The following WWOX variants were observed in gnomAD, a reference collection of about 807,000 sequenced individuals.
WWOX encodes the protein WW domain containing oxidoreductase.
Under a neutral mutation model 46.2 loss-of-function variants are expected in WWOX, and 69 were observed. The ratio of observed to expected loss-of-function variants is 1.49; its 90% CI spans 1.23 to 1.82. WWOX has a LOEUF of 1.82. Among genes scored for constraint, WWOX ranks in the 40% most tolerant of loss-of-function variants. WWOX has a pLI of 0.00. For missense variants in WWOX, 919 were observed against 542.6 expected (o/e 1.69, Z -6.89); for synonymous variants, 359 against 202.6 (o/e 1.77, Z -6.56).
chr16:78,244,838 GTTTC>G (rs1300116740), intron 5 of WWOX, among the ~76,000 whole-genome samples: 2 of 151,888 alleles, frequency 1.3e-5, no homozygotes, highest in Admixed American at 1.3e-4. Context: ...TTGGAGTTCT[GTTTC>G]TTCTTAAAAT....
intron 8 of WWOX, among the ~76,000 whole-genome samples, chr16:78,894,720 C>A (rs949948296): frequency 6.6e-6 from 1 of 152,060 alleles, no homozygotes; most frequent in Admixed American, 6.5e-5. Context: ...TGGAAGGCCA[C>A]GTTGCAATTA....
intron 5 of WWOX, among the ~76,000 whole-genome samples, chr16:78,313,487 C>T (rs369483206): frequency 2.2e-3 from 337 of 152,148 alleles, no homozygotes; most frequent in African/African-American, 7.9e-3. Context: ...TGCCTTGGCC[C>T]CTGGAGTAGC....
At chr16:78,626,042 G>A (rs568876798) in intron 8 of WWOX, among the ~76,000 whole-genome samples, 5 of 151,562 alleles carry the variant, frequency 3.3e-5, no homozygotes, top group South Asian at 2.1e-4. Context: ...AAAGTCCATC[G>A]TTTATCATAT....
At chr16:78,931,238 G>C (rs2045617493) in intron 8 of WWOX, among the ~76,000 whole-genome samples, 1 of 152,182 alleles carries the variant, frequency 6.6e-6, no homozygotes, top group South Asian at 2.1e-4. Flanking sequence ...GAGATGCTGT[G>C]TGGGGAGGGA....
intron 5 of WWOX, among the ~76,000 whole-genome samples, chr16:78,180,975 C>T (rs1881861804): frequency 6.6e-6 from 1 of 152,096 alleles, no homozygotes; most frequent in Admixed American, 6.6e-5. Context: ...GTATAAAAAC[C>T]TTCTTGTTTT....
intron 8 of WWOX, among the ~76,000 whole-genome samples, chr16:79,078,559 A>C (rs924882889): frequency 6.6e-6 from 1 of 152,222 alleles, no homozygotes; most frequent in Non-Finnish European, 1.5e-5. Context: ...TACCGTGTAC[A>C]TTCATTAAGC....
At position 78,423,061 on chromosome 16, in the gene WWOX, T is replaced by G. The variant is rs551104788; in HGVS notation, c.606-1809T>G. ...CCACCACGCTGGGCTAACTTTTGTA[T>G]TTTTAGTAGAGATGGGGGTTTCACC... On this transcript the variant is annotated intron_variant, in intron 6 of 8. Transcript: ENST00000566780. 2.8e-4 allele frequency among the ~76,000 whole-genome samples: 42 copies of G among 151,814 alleles called. 1 individual carries two copies. In the South Asian group the frequency reaches 7.9e-3, roughly 29 times the overall value.
At chr16:78,179,008 C>T (rs994716328) in intron 5 of WWOX, among the ~76,000 whole-genome samples, 2 of 152,066 alleles carry the variant, frequency 1.3e-5, no homozygotes, top group East Asian at 1.9e-4. Flanking sequence ...GGAGGAGAAG[C>T]CAGGGCACTT....
At chr16:79,034,101 T>A (rs2047819760) in intron 8 of WWOX, among the ~76,000 whole-genome samples, 1 of 152,212 alleles carries the variant, frequency 6.6e-6, no homozygotes, top group South Asian at 2.1e-4. Flanking sequence ...GCCAGGGAAC[T>A]GAATGGGATG....
chr16:78,976,866 C>T (rs907438751), intron 8 of WWOX, among the ~76,000 whole-genome samples: 1 of 152,188 alleles, frequency 6.6e-6, no homozygotes, highest in Non-Finnish European at 1.5e-5. Flanking sequence ...GGTTTGATAG[C>T]ATCCAAAGTA....
intron 6 of WWOX, among the ~76,000 whole-genome samples, chr16:78,409,296 C>A (rs1218486003): frequency 6.6e-6 from 1 of 152,124 alleles, no homozygotes; most frequent in South Asian, 2.1e-4. Context: ...AGTCATAGAG[C>A]TGCCATCATC....
At chr16:78,565,371 C>G (rs1176252562) in intron 8 of WWOX, among the ~76,000 whole-genome samples, 1 of 152,178 alleles carries the variant, frequency 6.6e-6, no homozygotes, top group Non-Finnish European at 1.5e-5. Flanking sequence ...GAATCTGTTT[C>G]CTTGCGTTTT....
chr16:79,012,068 C>A (rs554529459), intron 8 of WWOX, among the ~76,000 whole-genome samples: 2 of 152,152 alleles, frequency 1.3e-5, no homozygotes, highest in Non-Finnish European at 2.9e-5. Flanking sequence ...TCAAAGCCAA[C>A]AGTGGAAGCG....
chr16:79,113,822 G>C (rs1032417349), intron 8 of WWOX, among the ~76,000 whole-genome samples: 1 of 152,238 alleles, frequency 6.6e-6, no homozygotes, highest in African/African-American at 2.4e-5. Flanking sequence ...TTAAACACCA[G>C]ATGCGAAGAG....
At chr16:79,034,364 A>T (rs1485613027) in intron 8 of WWOX, among the ~76,000 whole-genome samples, 1 of 152,238 alleles carries the variant, frequency 6.6e-6, no homozygotes, top group Non-Finnish European at 1.5e-5. Context: ...GATTACATAA[A>T]TAATGAAATT....
chr16:78,272,548 T>G (rs191474291), intron 5 of WWOX, among the ~76,000 whole-genome samples: 25 of 152,264 alleles, frequency 1.6e-4, no homozygotes, highest in African/African-American at 6.0e-4. Flanking sequence ...TTTCTTCTGG[T>G]AGAAGTGACA....
intron 8 of WWOX, among the ~76,000 whole-genome samples, chr16:78,817,698 C>T (rs1413187499): frequency 6.6e-6 from 1 of 152,258 alleles, no homozygotes; most frequent in African/African-American, 2.4e-5. Context: ...CGGGCCCTGT[C>T]TTCGCTTGGC....
rs28629837 is a variant in WWOX at position 79,003,414 on chromosome 16, C to T, written c.1057-208194C>T. On this transcript the variant is annotated intron_variant, in intron 8 of 8. Transcript: ENST00000566780. ...CCCATTATCACCGTGAGGCCTCTTC[C>T]GCTTATCTATTGCTGAGTAACAAGG... 5.5e-3 allele frequency among the ~76,000 whole-genome samples: 841 copies of T among 152,284 alleles called. 7 individuals carry two copies. Among genetic ancestry groups the T allele is most frequent in the African/African-American group, 0.019 (775 of 41,566 alleles).
intron 4 of WWOX, among the ~76,000 whole-genome samples, chr16:78,150,813 A>G (rs1220481622): frequency 1.3e-5 from 2 of 152,138 alleles, no homozygotes; most frequent in Admixed American, 1.3e-4. Context: ...TCAATTATTC[A>G]CAACTCTCTA....
Sources: gnomAD v4.1 joint callset for allele counts (sites outside exome capture counted in the v4.1 genomes callset) on GRCh38, gnomAD v4.1.1 for gene constraint, MANE v1.5 for transcripts, NCBI Gene and HGNC (gene_info 2026-07-23, HGNC 2026-07-21) for gene names.